TG: variants seen among roughly 807,000 people sequenced by gnomAD.
TG encodes thyroid hormones.
Under a neutral mutation model 324.7 loss-of-function variants are expected in TG, and 270 were observed. The observed-to-expected ratio is 0.83, with a 90% CI of 0.75 to 0.92. The LOEUF (loss-of-function observed/expected upper bound fraction) is 0.92. Ranked by LOEUF, TG falls within the 40% of genes least tolerant of loss-of-function variation. The pLI is 0.00. For synonymous variants in TG, 1,401 were observed against 1,327.0 expected (o/e 1.06, Z -1.21); for missense variants, 3,591 against 3,456.4 (o/e 1.04, Z -0.98).
At chr8:133,082,555 C>A (rs147801843) in intron 41 of TG, among the ~76,000 whole-genome samples, 1 of 152,178 alleles carries the variant, frequency 6.6e-6, no homozygotes, top group African/African-American at 2.4e-5. Flanking sequence ...CTGTGGGCAC[C>A]GGGAAAGTGG....
At chr8:133,071,563 C>T (rs1844038563) in intron 41 of TG, among the ~76,000 whole-genome samples, 1 of 152,074 alleles carries the variant, frequency 6.6e-6, no homozygotes, top group African/African-American at 2.4e-5. Context: ...TCCACACACT[C>T]TGGTGCTTGG....
intron 41 of TG, among the ~76,000 whole-genome samples, chr8:133,067,693 T>A (rs1843220452): frequency 6.6e-6 from 1 of 151,864 alleles, no homozygotes; most frequent in Non-Finnish European, 1.5e-5. Flanking sequence ...GGAGAATCAC[T>A]TGAACCCGTG....
chr8:132,937,967 C>A (rs994035160), intron 25 of TG, among the ~76,000 whole-genome samples: 1 of 152,146 alleles, frequency 6.6e-6, no homozygotes, highest in African/African-American at 2.4e-5. Flanking sequence ...ATGTGCCCGG[C>A]AGCCGTTCTA....
At position 132,868,120 on chromosome 8, in the gene TG, C is replaced by G. The variant is rs755777744; in HGVS notation, c.73C>G (p.Gln25Glu). Residue 25 changes from glutamine to glutamate, a missense_variant, in exon 2 of 48, where the codon CAG becomes GAG. Transcript: ENST00000220616. ...CWVSANIFEY[Q>E]VDAQPLRPCE... is the part of the protein sequence containing the mutation. ...AACCACTTTTCTTTTCCTAGAGTACCAGGTGGATGCCCAGCCCCTTCGTCC... is the reference window on the plus strand; with the variant it reads ...AACCACTTTTCTTTTCCTAGAGTACGAGGTGGATGCCCAGCCCCTTCGTCC... The G allele has an allele frequency of 1.9e-6, 3 of 1,614,006 alleles. No individual in the cohort carries two copies. In the East Asian group the frequency reaches 6.7e-5, roughly 36 times the overall value.
intron 35 of TG, among the ~76,000 whole-genome samples, chr8:132,988,063 T>C (rs962615450): frequency 5.2e-5 from 5 of 96,246 alleles, no homozygotes; most frequent in East Asian, 4.8e-4. Flanking sequence ...TACATACACA[T>C]GCACACACAC....
chr8:132,898,341 GC>G, intron 13 of TG, 95 bp downstream of exon 13: 2 of 1,226,688 alleles, frequency 1.6e-6, no homozygotes, highest in Non-Finnish European at 1.2e-6. Flanking sequence ...AGACTCCATG[GC>G]CCAGCCCTTC....
intron 30 of TG, among the ~76,000 whole-genome samples, 153 bp from the exon 31 acceptor site, chr8:132,967,641 C>A (rs1482453259): frequency 6.6e-6 from 1 of 152,182 alleles, no homozygotes; most frequent in Non-Finnish European, 1.5e-5. Flanking sequence ...TTTGCATGGG[C>A]CTTCCAGACT....
chr8:133,032,037 G>A (rs1836689653), intron 41 of TG, among the ~76,000 whole-genome samples: 1 of 152,136 alleles, frequency 6.6e-6, no homozygotes, highest in South Asian at 2.1e-4. Flanking sequence ...GCTGAGCAGG[G>A]GCTGGGTGTG....
rs775618163 is a variant in TG at position 132,966,932 on chromosome 8, T to C, written c.5686+235T>C. Among the ~76,000 whole-genome samples, 3 of 152,172 alleles carry C rather than the reference T, an allele frequency of 2.0e-5. No homozygotes were observed. The East Asian group carries it at 5.8e-4, about 29-fold the overall frequency. On this transcript the variant is annotated intron_variant, in intron 30 of 47. Coordinates refer to ENST00000220616, the MANE Select transcript of TG (RefSeq NM_003235.5). ...ATCTTCATCCACCTGTCTCTCCATC[T>C]ATCCGTCCATTCACCCATCCATCCA...
chr8:132,962,909 C>T, intron 28 of TG, 85 bp from the exon 29 acceptor site: 2 of 1,300,420 alleles, frequency 1.5e-6, no homozygotes, highest in Non-Finnish European at 2.2e-6. Context: ...CCTGATTTTT[C>T]TCACATTGCT....
At chr8:132,919,836 A>G (rs1355110338) in intron 21 of TG, among the ~76,000 whole-genome samples, 1 of 152,240 alleles carries the variant, frequency 6.6e-6, no homozygotes, top group East Asian at 1.9e-4. Flanking sequence ...AGGGGCCGCC[A>G]TCTTTGAATA....
chr8:133,096,447 G>C (rs1848427970), intron 43 of TG, 74 bp downstream of exon 43: 2 of 1,571,760 alleles, frequency 1.3e-6, no homozygotes, highest in Non-Finnish European at 1.7e-6. Flanking sequence ...TGTCTGACTT[G>C]ATCAAGAGAT....
intron 41 of TG, among the ~76,000 whole-genome samples, chr8:133,045,646 C>T (rs1233296799): frequency 6.6e-6 from 1 of 152,096 alleles, no homozygotes; most frequent in African/African-American, 2.4e-5. Context: ...CCGCCCACCT[C>T]GGCCTCCCAA....
At chr8:133,021,314 G>C (rs949799128) in intron 39 of TG, among the ~76,000 whole-genome samples, 1 of 152,174 alleles carries the variant, frequency 6.6e-6, no homozygotes, top group African/African-American at 2.4e-5. Flanking sequence ...AAGGGAAAGG[G>C]GACGCCAAGG....
chr8:132,878,410 A>T (rs1814150807), intron 5 of TG, among the ~76,000 whole-genome samples: 1 of 151,980 alleles, frequency 6.6e-6, no homozygotes, highest in South Asian at 2.1e-4. Context: ...AGGTCAGGAG[A>T]TTGACGCTAT....
chr8:133,106,365 A>T, intron 43 of TG: 1 of 981,594 alleles, frequency 1.0e-6, no homozygotes, highest in Non-Finnish European at 1.2e-6. Context: ...GGCCAATGCA[A>T]GGACACCCAG....
rs546804034 is a variant in TG, at chr8:133,005,196, G to T, written c.6263-6705G>T. 5.3e-5 allele frequency among the ~76,000 whole-genome samples: 8 copies of T among 152,294 alleles called. No homozygotes were observed. In the South Asian group the frequency reaches 1.4e-3, roughly 28 times the overall value. ...AGTTTCCCATGAAAACTGAGGCCCA[G>T]CCCATGGCACCGCAGGCACACTGCG... On this transcript the variant is annotated intron_variant, in intron 35 of 47. Coordinates refer to ENST00000220616, the MANE Select transcript of TG (RefSeq NM_003235.5).
chr8:133,115,229 C>G (rs534593118), intron 44 of TG, among the ~76,000 whole-genome samples: 5 of 152,134 alleles, frequency 3.3e-5, no homozygotes, highest in Admixed American at 1.3e-4. Flanking sequence ...CAAGGGAGGC[C>G]TCACTCAGAA....
chr8:133,067,483 G>A (rs1843198254), intron 41 of TG, among the ~76,000 whole-genome samples: 2 of 152,106 alleles, frequency 1.3e-5, no homozygotes, highest in East Asian at 1.9e-4. Flanking sequence ...GGGGAAGAAC[G>A]TGGGATCCTC....
Sources: gnomAD v4.1 joint callset for allele counts (sites outside exome capture counted in the v4.1 genomes callset) on GRCh38, gnomAD v4.1.1 for gene constraint, MANE v1.5 for transcripts, NCBI Gene and HGNC (gene_info 2026-07-23, HGNC 2026-07-21) for gene names.